Variants in TCAIM observed in about 807,000 individuals in gnomAD.
The protein encoded by TCAIM is T cell activation inhibitor, mitochondrial, also known as T-cell activation inhibitor, mitochondrial.
A neutral mutation model predicts 58.6 loss-of-function variants in TCAIM; 36 were observed. That is an observed-to-expected ratio of 0.61 (90% confidence interval 0.47 to 0.81). TCAIM has a LOEUF of 0.81. TCAIM is among the 30% of genes least tolerant of loss of function. The probability of loss-of-function intolerance (pLI) is 0.00; values close to 1 mark genes in which losing one functional copy is unlikely to be tolerated. For missense variants in TCAIM, 466 were observed against 579.6 expected (o/e 0.80, Z 2.01); for synonymous variants, 172 against 193.6 (o/e 0.89, Z 0.93).
At chr3:44,398,791 A>T (rs995815687) in intron 8 of TCAIM, among the ~76,000 whole-genome samples, 1 of 152,234 alleles carries the variant, frequency 6.6e-6, no homozygotes, top group African/African-American at 2.4e-5. Context: ...TCAGTGTGTG[A>T]ATAGCTAAAC....
At chr3:44,343,607 G>A (rs114101288) in intron 1 of TCAIM, among the ~76,000 whole-genome samples, 1,968 of 152,276 alleles carry the variant, frequency 0.013, 24 homozygotes, top group Non-Finnish European at 0.018. Flanking sequence ...CACATTTCAA[G>A]TGCACAGTAG....
chr3:44,352,736 T>TA (rs1701116172), intron 1 of TCAIM, among the ~76,000 whole-genome samples: 1 of 152,134 alleles, frequency 6.6e-6, no homozygotes, highest in Admixed American at 6.6e-5. Context: ...TTAGTATCGT[T>TA]CATACAGAAT....
At chr3:44,405,489 ATGGTGAGACCTCGTC>A (rs1702085560) in intron 10 of TCAIM, among the ~76,000 whole-genome samples, 1 of 152,056 alleles carries the variant, frequency 6.6e-6, no homozygotes. Context: ...TCTGGGCTAC[ATGGTGAGACCTCGTC>A]TCTACAAAAA....
intron 1 of TCAIM, among the ~76,000 whole-genome samples, chr3:44,345,052 AAAAT>A (rs1350822762): frequency 2.0e-5 from 3 of 152,168 alleles, no homozygotes; most frequent in Non-Finnish European, 2.9e-5. Context: ...ATTAATAAGA[AAAAT>A]AAAATAGTGG....
intron 4 of TCAIM, 131 bp downstream of exon 4, chr3:44,361,649 T>C: frequency 1.0e-6 from 1 of 970,106 alleles, no homozygotes; most frequent in Non-Finnish European, 1.4e-6. Flanking sequence ...ATTGATTGTT[T>C]TCCTAGAATT....
At chr3:44,392,568 C>T (rs1412379948) in intron 5 of TCAIM, among the ~76,000 whole-genome samples, 5 of 152,192 alleles carry the variant, frequency 3.3e-5, no homozygotes, top group Non-Finnish European at 7.4e-5. Flanking sequence ...TAAGTGAGAA[C>T]ATGCAGTATG....
At chr3:44,374,717 C>T (rs1701537387) in intron 5 of TCAIM, among the ~76,000 whole-genome samples, 1 of 152,140 alleles carries the variant, frequency 6.6e-6, no homozygotes, top group South Asian at 2.1e-4. Flanking sequence ...TCCATGATCA[C>T]ACCACTGTAC....
intron 6 of TCAIM, among the ~76,000 whole-genome samples, chr3:44,394,904 AAAAAAAAAAAAAAAAAAATATATAT>A (rs1376335688): frequency 2.1e-5 from 1 of 47,452 alleles, no homozygotes; most frequent in African/African-American, 7.2e-5. Context: ...AAAAAAAAAA[AAAAAAAAAAAAAAAAAAATATATAT>A]ATATATATAT....
chr3:44,401,040 G>A, intron 9 of TCAIM, 163 bp from the exon 10 acceptor site: 3 of 999,530 alleles, frequency 3.0e-6, no homozygotes, highest in Non-Finnish European at 4.2e-6. Flanking sequence ...CTGAAGAAGT[G>A]TGTCTTTGGG....
At chr3:44,367,085 C>T (rs1456794012) in intron 4 of TCAIM, among the ~76,000 whole-genome samples, 2 of 152,110 alleles carry the variant, frequency 1.3e-5, no homozygotes, top group Non-Finnish European at 2.9e-5. Flanking sequence ...TTGGTGGACA[C>T]CTGCTTATAG....
intron 2 of TCAIM, among the ~76,000 whole-genome samples, chr3:44,356,968 A>G (rs767471810): frequency 5.9e-5 from 9 of 152,172 alleles, no homozygotes; most frequent in African/African-American, 1.4e-4. Context: ...GCAACAGAGC[A>G]AGACTCCATC....
chr3:44,361,612 T>C (rs956193476), intron 4 of TCAIM, 94 bp downstream of exon 4: 2 of 1,243,518 alleles, frequency 1.6e-6, no homozygotes, highest in Admixed American at 3.1e-5. Flanking sequence ...GATGAAAACT[T>C]TGGTGATAGA....
At chr3:44,385,542 C>T (rs188049033) in intron 5 of TCAIM, among the ~76,000 whole-genome samples, 73 of 151,626 alleles carry the variant, frequency 4.8e-4, no homozygotes, top group Admixed American at 1.2e-3. Flanking sequence ...GAGATTGAGA[C>T]CGTCCTGGCT....
rs543435339 is a variant in TCAIM, at chr3:44,376,625, A to G, written c.572+8917A>G. 6.8e-4 allele frequency among the ~76,000 whole-genome samples: 104 copies of G among 152,358 alleles called. 2 individuals carry two copies. The South Asian group carries it at 0.02, about 30-fold the overall frequency. On this transcript the variant is annotated intron_variant, in intron 5 of 10. Transcript: ENST00000342649. ...TTTTGCCACAAAAAAAATAAAATCAATTAAACACAAAAGAAGATAGTAATG... is the reference window on the plus strand; with the variant it reads ...TTTTGCCACAAAAAAAATAAAATCAGTTAAACACAAAAGAAGATAGTAATG...
intron 1 of TCAIM, among the ~76,000 whole-genome samples, chr3:44,349,650 G>A (rs193222873): frequency 2.1e-4 from 32 of 149,766 alleles, no homozygotes; most frequent in African/African-American, 7.6e-4. Context: ...AATCAGGCAG[G>A]CGTCCCCACA....
chr3:44,369,662 T>A (rs531305054), intron 5 of TCAIM, among the ~76,000 whole-genome samples: 2 of 152,342 alleles, frequency 1.3e-5, no homozygotes, highest in African/African-American at 4.8e-5. Flanking sequence ...TATTTGTATG[T>A]CATTTATCCA....
At chr3:44,364,855 A>C (rs765675642) in intron 4 of TCAIM, among the ~76,000 whole-genome samples, 1 of 152,162 alleles carries the variant, frequency 6.6e-6, no homozygotes, top group Non-Finnish European at 1.5e-5. Context: ...AATACCCATA[A>C]ATGGTAAAAA....
intron 5 of TCAIM, among the ~76,000 whole-genome samples, chr3:44,373,573 G>A (rs1325880534): frequency 6.6e-6 from 1 of 151,914 alleles, no homozygotes; most frequent in Non-Finnish European, 1.5e-5. Context: ...AGAACTGCTT[G>A]AACCCGGGAG....
In TCAIM at chr3:44,367,556, C is replaced by T. The variant is rs774974522; in HGVS notation, c.420C>T (p.Ser140=). Residue 140 remains serine (S), a synonymous_variant, in exon 5 of 11, where the codon AGC becomes AGT. Coordinates refer to ENST00000342649, the MANE Select transcript of TCAIM (RefSeq NM_173826.4). ...SCSLSVEHIQ[S]LNTNMHTQPL... is the part of the protein sequence containing the mutation. ...GTTTATCTGTTGAACATATCCAAAG[C>T]TTGAATACTAATATGCATACCCAGC... 1 of 1,614,044 alleles carries T rather than the reference C, an allele frequency of 6.2e-7. No individual in the cohort carries two copies. Among genetic ancestry groups the T allele is most frequent in the Non-Finnish European group, 8.5e-7 (1 of 1,179,996 alleles).
Sources: allele counts gnomAD v4.1 joint callset (sites outside exome capture counted in the v4.1 genomes callset), GRCh38; gene constraint gnomAD v4.1.1; transcripts MANE v1.5; gene names NCBI Gene and HGNC (gene_info 2026-07-23, HGNC 2026-07-21).